The following RANBP2 variants were observed in gnomAD, a reference collection of about 807,000 sequenced individuals.
The protein encoded by RANBP2 is E3 SUMO-protein ligase RanBP2.
In RANBP2, 57 loss-of-function variants were observed where a neutral mutation model predicts 303.6. The ratio of observed to expected loss-of-function variants is 0.19; its 90% CI spans 0.15 to 0.23. RANBP2 has a LOEUF of 0.23. Ranked by LOEUF, RANBP2 falls within the 10% of genes least tolerant of loss-of-function variation. The pLI is 1.00. For missense variants in RANBP2, 3,138 were observed against 3,780.8 expected (o/e 0.83, Z 4.46); for synonymous variants, 1,167 against 1,301.5 (o/e 0.90, Z 2.23).
chr2:108,970,022 G>A, the RANBP2 span, among the ~76,000 whole-genome samples: 19 of 152,226 alleles, frequency 1.2e-4, no homozygotes, highest in Non-Finnish European at 2.1e-4. Flanking sequence ...CTTTGGTGAC[G>A]TCTGAGCCTT....
At chr2:109,054,228 C>T in the RANBP2 span, among the ~76,000 whole-genome samples, 1 of 152,200 alleles carries the variant, frequency 6.6e-6, no homozygotes, top group African/African-American at 2.4e-5. Context: ...CCCTGCTTTT[C>T]ACAGAGACAA....
At chr2:109,145,574 C>A in the RANBP2 span, among the ~76,000 whole-genome samples, 1 of 152,222 alleles carries the variant, frequency 6.6e-6, no homozygotes, top group Admixed American at 6.5e-5. Context: ...GTCCGGGGGG[C>A]CTCACTGTTG....
At chr2:108,851,425 C>G in the RANBP2 span, among the ~76,000 whole-genome samples, 8 of 152,136 alleles carry the variant, frequency 5.3e-5, no homozygotes, top group African/African-American at 1.9e-4. Flanking sequence ...CCTCAGCCTC[C>G]CGAGTAGCTG....
the RANBP2 span, chr2:109,546,166 T>G: frequency 1.2e-6 from 2 of 1,609,888 alleles, no homozygotes; most frequent in Non-Finnish European, 1.7e-6. Context: ...CTTCCAAAAG[T>G]CTTCTCTTTT....
the RANBP2 span, among the ~76,000 whole-genome samples, chr2:108,989,815 T>G: frequency 1.3e-5 from 2 of 151,030 alleles, no homozygotes; most frequent in South Asian, 2.1e-4. Flanking sequence ...AGTAAATGAT[T>G]GGGGGGGGGA....
At chr2:109,266,758 CAA>C in the RANBP2 span, among the ~76,000 whole-genome samples, 840 of 152,296 alleles carry the variant, frequency 5.5e-3, 11 homozygotes, top group African/African-American at 0.019. Flanking sequence ...AACAGCCTAA[CAA>C]GAGACAGGGG....
the RANBP2 span, among the ~76,000 whole-genome samples, chr2:108,835,151 G>A: frequency 1.3e-5 from 2 of 152,208 alleles, no homozygotes; most frequent in East Asian, 3.8e-4. Context: ...GGAAGTTTAT[G>A]CAGCTTAACA....
chr2:108,937,435 GTA>G, the RANBP2 span, among the ~76,000 whole-genome samples: 1 of 151,928 alleles, frequency 6.6e-6, no homozygotes, highest in African/African-American at 2.4e-5. Flanking sequence ...TGTATGTATT[GTA>G]TATGTGAGGA....
At chr2:108,806,521 T>TC in the RANBP2 span, among the ~76,000 whole-genome samples, 2 of 152,200 alleles carry the variant, frequency 1.3e-5, no homozygotes, top group South Asian at 4.1e-4. Flanking sequence ...GCACGCTTTT[T>TC]CTGTTAAGGA....
At chr2:109,381,267 G>A in the RANBP2 span, among the ~76,000 whole-genome samples, 1 of 152,218 alleles carries the variant, frequency 6.6e-6, no homozygotes, top group Non-Finnish European at 1.5e-5. Flanking sequence ...AAGTAACTGA[G>A]CTCCAATCTT....
At chr2:109,593,632 C>T in the RANBP2 span, among the ~76,000 whole-genome samples, 4 of 152,062 alleles carry the variant, frequency 2.6e-5, no homozygotes, top group Non-Finnish European at 1.5e-5. Context: ...TCTCGAACTT[C>T]TGACCTCGTG....
the RANBP2 span, among the ~76,000 whole-genome samples, chr2:109,682,767 C>T: frequency 9.9e-5 from 15 of 152,208 alleles, no homozygotes; most frequent in East Asian, 7.7e-4. Context: ...TGGCAGCTCC[C>T]ATCTCTATTA....
At chr2:109,119,390 C>A in the RANBP2 span, among the ~76,000 whole-genome samples, 4 of 152,148 alleles carry the variant, frequency 2.6e-5, no homozygotes, top group Non-Finnish European at 5.9e-5. Flanking sequence ...TCACATTTTT[C>A]TAAAATACAC....
chr2:109,160,247 G>T, the RANBP2 span, among the ~76,000 whole-genome samples: 1 of 152,202 alleles, frequency 6.6e-6, no homozygotes, highest in Non-Finnish European at 1.5e-5. Context: ...GCTGAGCAGG[G>T]TGACCCATGG....
the RANBP2 span, among the ~76,000 whole-genome samples, chr2:109,000,203 A>G: frequency 6.6e-6 from 1 of 152,206 alleles, no homozygotes; most frequent in Non-Finnish European, 1.5e-5. Context: ...ATTTGGATGT[A>G]GATGACTCAA....
At chr2:109,419,737 C>T in the RANBP2 span, 1 of 1,195,084 alleles carries the variant, frequency 8.4e-7, no homozygotes, top group Non-Finnish European at 1.2e-6. Context: ...CAGGGTTTTC[C>T]CATGTGTTAC....
intron 25 of RANBP2, among the ~76,000 whole-genome samples, chr2:108,780,198 CT>C (rs572170306): frequency 2.5e-3 from 342 of 137,056 alleles, no homozygotes; most frequent in Middle Eastern, 7.5e-3. Context: ...CCTTTTTTTC[CT>C]TTTTTTTTTT....
the RANBP2 span, among the ~76,000 whole-genome samples, chr2:109,255,940 A>G: frequency 1.9e-3 from 287 of 152,318 alleles, 1 homozygote; most frequent in African/African-American, 6.5e-3. Context: ...GGGAAGAGGA[A>G]GTGTTTTCTT....
At chr2:109,462,927 G>A in the RANBP2 span, among the ~76,000 whole-genome samples, 1 of 152,192 alleles carries the variant, frequency 6.6e-6, no homozygotes, top group Non-Finnish European at 1.5e-5. Flanking sequence ...GTGTCCAGCT[G>A]TCCCTGAAAA....
Sources: gnomAD v4.1 joint callset for allele counts (sites outside exome capture counted in the v4.1 genomes callset) on GRCh38, gnomAD v4.1.1 for gene constraint, MANE v1.5 for transcripts, NCBI Gene and HGNC (gene_info 2026-07-23, HGNC 2026-07-21) for gene names.